The following NLGN1 variants were observed in gnomAD, a reference collection of about 807,000 sequenced individuals.
NLGN1 encodes neuroligin-1.
A neutral mutation model predicts 65.5 loss-of-function variants in NLGN1; 12 were observed. The observed-to-expected ratio is 0.18, with a 90% confidence interval of 0.12 to 0.30. The LOEUF (loss-of-function observed/expected upper bound fraction) is 0.30, where lower values mean the gene tolerates loss of function less well. NLGN1 is among the 10% of genes least tolerant of loss of function. The pLI, the probability that NLGN1 is intolerant of heterozygous loss-of-function variation, is 1.00. For synonymous variants in NLGN1, 350 were observed against 359.5 expected (o/e 0.97, Z 0.30); for missense variants, 750 against 1,007.1 (o/e 0.74, Z 3.46).
chr3:173,494,133 G>GTGTT (rs1294581057), intron 2 of NLGN1, among the ~76,000 whole-genome samples: 3 of 150,512 alleles, frequency 2.0e-5, no homozygotes, highest in Non-Finnish European at 4.4e-5. Context: ...GTGTGTGTGT[G>GTGTT]TGTGTGTGTG....
intron 3 of NLGN1, among the ~76,000 whole-genome samples, chr3:173,766,928 A>C (rs2150239174): frequency 6.6e-6 from 1 of 152,304 alleles, no homozygotes; most frequent in Non-Finnish European, 1.5e-5. Flanking sequence ...TTATCTAGAT[A>C]AATGATTTTG....
At chr3:174,228,976 G>A (rs1740215016) in intron 4 of NLGN1, among the ~76,000 whole-genome samples, 1 of 152,000 alleles carries the variant, frequency 6.6e-6, no homozygotes, top group African/African-American at 2.4e-5. Flanking sequence ...TATTTCCAAA[G>A]CATGTCAAGA....
chr3:173,585,882 CTCA>C (rs1350296920), intron 2 of NLGN1, among the ~76,000 whole-genome samples: 1 of 152,094 alleles, frequency 6.6e-6, no homozygotes, highest in Non-Finnish European at 1.5e-5. Context: ...CCAAGAAAAA[CTCA>C]TCTTTATTTG....
chr3:173,771,285 A>G (rs933266169), intron 3 of NLGN1, among the ~76,000 whole-genome samples: 14 of 151,888 alleles, frequency 9.2e-5, no homozygotes, highest in Admixed American at 9.2e-4. Flanking sequence ...GGTTCTTTCA[A>G]ATAACATCTG....
At chr3:173,439,179 A>G (rs1718693110) in intron 2 of NLGN1, among the ~76,000 whole-genome samples, 2 of 152,188 alleles carry the variant, frequency 1.3e-5, no homozygotes, top group South Asian at 4.1e-4. Context: ...TTTTTCCCCC[A>G]TAGCACATAT....
chr3:173,736,964 G>A (rs1773873115), intron 3 of NLGN1, among the ~76,000 whole-genome samples: 2 of 151,910 alleles, frequency 1.3e-5, no homozygotes, highest in Admixed American at 6.6e-5. Flanking sequence ...AATCAGAGAT[G>A]TTCTACTTAT....
At chr3:173,556,850 C>T (rs1333275580) in intron 2 of NLGN1, among the ~76,000 whole-genome samples, 2 of 151,928 alleles carry the variant, frequency 1.3e-5, no homozygotes, top group African/African-American at 4.8e-5. Flanking sequence ...TGCTATTGTG[C>T]CTGAGAAAAT....
chr3:173,675,484 T>C (rs1190476037), intron 3 of NLGN1, among the ~76,000 whole-genome samples: 1 of 152,148 alleles, frequency 6.6e-6, no homozygotes, highest in African/African-American at 2.4e-5. Flanking sequence ...AGTCTTTACG[T>C]AAAATAATTC....
At chr3:173,988,741 C>T (rs1579599844) in intron 4 of NLGN1, among the ~76,000 whole-genome samples, 1 of 152,020 alleles carries the variant, frequency 6.6e-6, no homozygotes, top group East Asian at 1.9e-4. Context: ...TTTTTAATCT[C>T]CAAATATTTT....
At chr3:173,618,023 T>C (rs1318802006) in intron 3 of NLGN1, among the ~76,000 whole-genome samples, 1 of 152,188 alleles carries the variant, frequency 6.6e-6, no homozygotes. Context: ...GCAAGAAGCC[T>C]GAATACCAGA....
intron 3 of NLGN1, among the ~76,000 whole-genome samples, chr3:173,706,420 CTT>C (rs1403995155): frequency 1.3e-5 from 2 of 152,116 alleles, no homozygotes; most frequent in Non-Finnish European, 2.9e-5. Context: ...ACTCATATGT[CTT>C]TGCGTACTTG....
intron 4 of NLGN1, among the ~76,000 whole-genome samples, chr3:174,168,995 A>T (rs566776940): frequency 1.8e-4 from 28 of 152,256 alleles, no homozygotes; most frequent in African/African-American, 5.8e-4. Context: ...GCCTACACAA[A>T]AATCTCCACA....
intron 2 of NLGN1, among the ~76,000 whole-genome samples, chr3:173,447,503 C>A (rs59173871): frequency 0.031 from 4,669 of 152,216 alleles, 239 homozygotes; most frequent in African/African-American, 0.11. Flanking sequence ...TAACGTGATG[C>A]CTCCAGCTTT....
At chr3:173,423,088 GGA>G (rs145355386) in intron 1 of NLGN1, among the ~76,000 whole-genome samples, 52 of 151,704 alleles carry the variant, frequency 3.4e-4, no homozygotes, top group African/African-American at 1.2e-3. Context: ...CAAGGCAGCA[GGA>G]GAGAGAGAGA....
intron 3 of NLGN1, among the ~76,000 whole-genome samples, chr3:173,660,661 G>A (rs1467939629): frequency 6.6e-6 from 1 of 151,720 alleles, no homozygotes; most frequent in Admixed American, 6.6e-5. Context: ...AATTACATGG[G>A]ACAAAAACTG....
intron 4 of NLGN1, among the ~76,000 whole-genome samples, chr3:174,204,845 A>G (rs577355378): frequency 0.041 from 2,904 of 71,268 alleles, 96 homozygotes; most frequent in African/African-American, 0.13. Flanking sequence ...TAAACTTCAA[A>G]CAGGTTTTTT....
At chr3:173,513,374 C>A (rs1581460) in intron 2 of NLGN1, among the ~76,000 whole-genome samples, 1 of 151,920 alleles carries the variant, frequency 6.6e-6, no homozygotes. Context: ...TGAGCCTTCA[C>A]CAATTTGTCA....
chr3:174,280,941 A>G lies in NLGN1; in HGVS notation c.2110A>G (p.Arg704Gly), dbSNP rs2152895068. 6.2e-7 allele frequency: 1 copy of G among 1,613,398 alleles called. No individual in the cohort carries two copies. Among genetic ancestry groups the G allele is most frequent in the East Asian group, 2.2e-5 (1 of 44,834 alleles). Residue 704 changes from arginine (R) to glycine (G), a missense_variant, in exon 7 of 7, where the codon AGG (arginine) becomes GGG (glycine). Coordinates refer to ENST00000457714, the Ensembl canonical transcript of NLGN1. The surrounding 1 kb of genome is among the most constrained non-coding windows in gnomAD (Gnocchi z 4.9). The stretch of plus-strand genomic sequence containing the variant: ...AGCCCTGTACTACAAAAAGGATAAG[A>G]GGAGACATGATGTTCACAGGAGATG...
chr3:173,420,012 TA>T (rs1285256396), intron 1 of NLGN1, among the ~76,000 whole-genome samples: 57 of 149,212 alleles, frequency 3.8e-4, no homozygotes, highest in African/African-American at 1.2e-3. Flanking sequence ...TAAAATAAAA[TA>T]ATAGTGACCC....
Sources: gnomAD v4.1 joint callset for allele counts (sites outside exome capture counted in the v4.1 genomes callset) on GRCh38, gnomAD v4.1.1 for gene constraint, Gnocchi (gnomAD v3.1) non-coding constraint, MANE v1.5 for transcripts, NCBI Gene and HGNC (gene_info 2026-07-23, HGNC 2026-07-21) for gene names.